Variants in TMPRSS15 observed in about 807,000 individuals in gnomAD.
TMPRSS15 encodes the protein enteropeptidase.
Under a neutral mutation model 125.3 loss-of-function variants are expected in TMPRSS15, and 128 were observed. That is an observed-to-expected ratio of 1.02 (90% CI 0.89 to 1.18). TMPRSS15 has a LOEUF of 1.18. Ranked by LOEUF, TMPRSS15 falls within the 50% of genes most tolerant of loss-of-function variation. The pLI, the probability that TMPRSS15 is intolerant of heterozygous loss-of-function variation, is 0.00. For synonymous variants in TMPRSS15, 446 were observed against 423.2 expected (o/e 1.05, Z -0.66); for missense variants, 1,283 against 1,212.7 (o/e 1.06, Z -0.86).
At chr21:18,285,774 G>T (rs145193126) in intron 21 of TMPRSS15, among the ~76,000 whole-genome samples, 2 of 152,148 alleles carry the variant, frequency 1.3e-5, no homozygotes, top group Non-Finnish European at 2.9e-5. Context: ...ACAGTTAAAA[G>T]AAAAGAGTTG....
rs552801521 is a variant in TMPRSS15, at chr21:18,363,181, A to G, written c.773+1959T>C. ...ACTAATATAATAATCAACTTTGAGA[A>G]AAAATAGATTATTTGTGTGATTAAT... On this transcript the variant is annotated intron_variant, in intron 7 of 24. Transcript: ENST00000284885. Among the ~76,000 whole-genome samples the G allele has an allele frequency of 2.2e-4, 34 of 152,310 alleles. No homozygotes were observed. The South Asian group carries it at 7.0e-3, about 32-fold the overall frequency.
intron 6 of TMPRSS15, among the ~76,000 whole-genome samples, chr21:18,365,616 C>CTA: frequency 1.1e-4 from 1 of 8,772 alleles, no homozygotes; most frequent in Non-Finnish European, 3.5e-4. Context: ...CCTTCCTTTT[C>CTA]TCTCTTTCTT....
At chr21:18,348,051 A>G (rs2075527545) in intron 10 of TMPRSS15, among the ~76,000 whole-genome samples, 1 of 152,146 alleles carries the variant, frequency 6.6e-6, no homozygotes, top group Non-Finnish European at 1.5e-5. Context: ...TGGGTGTGGT[A>G]GAATGCACCT....
intron 1 of TMPRSS15, among the ~76,000 whole-genome samples, chr21:18,451,634 T>C (rs2123256645): frequency 6.6e-6 from 1 of 152,330 alleles, no homozygotes; most frequent in Admixed American, 6.5e-5. Context: ...TCTACAATTT[T>C]CTGCAATTAC....
intron 16 of TMPRSS15, among the ~76,000 whole-genome samples, chr21:18,316,147 A>G (rs908681485): frequency 5.3e-5 from 8 of 152,182 alleles, no homozygotes; most frequent in Admixed American, 3.9e-4. Context: ...ATAGTTTCCA[A>G]GCTGATGTGT....
chr21:18,465,098 G>A (rs912830736), intron 1 of TMPRSS15, among the ~76,000 whole-genome samples: 8 of 152,200 alleles, frequency 5.3e-5, no homozygotes, highest in Non-Finnish European at 1.0e-4. Context: ...ATGCAAGGCT[G>A]GTTCAACATA....
intron 13 of TMPRSS15, among the ~76,000 whole-genome samples, chr21:18,340,267 T>C (rs1361440614): frequency 1.3e-5 from 2 of 152,122 alleles, no homozygotes; most frequent in Non-Finnish European, 2.9e-5. Flanking sequence ...CTGGCTGAAT[T>C]TTCTGGCCTT....
intron 1 of TMPRSS15, among the ~76,000 whole-genome samples, chr21:18,453,098 A>G (rs1978373355): frequency 6.6e-6 from 1 of 152,244 alleles, no homozygotes; most frequent in Non-Finnish European, 1.5e-5. Context: ...GCCACAGTTT[A>G]TAAACAACCC....
At chr21:18,348,673 A>G (rs553404584) in intron 10 of TMPRSS15, among the ~76,000 whole-genome samples, 6 of 152,334 alleles carry the variant, frequency 3.9e-5, no homozygotes, top group African/African-American at 1.4e-4. Flanking sequence ...CACTTATTTT[A>G]GAAAAAGTTT....
At position 18,416,245 on chromosome 21, in the gene TMPRSS15, A is replaced by G. The variant is rs145815773; in HGVS notation, c.11-17916T>C. Among the ~76,000 whole-genome samples the G allele has an allele frequency of 2.8e-3, 429 of 152,158 alleles. 1 individual carries two copies. The highest frequency in any genetic ancestry group is 9.6e-3 in the African/African-American group (397 of 41,562). On this transcript the variant is annotated intron_variant, in intron 1 of 7. Transcript: ENST00000422787. ...CAAATTGATCTACAGGTGAAATGCT[A>G]TATTCATCAAAATCCTAATGGTGTT...
At chr21:18,352,867 A>T (rs773260412) in intron 10 of TMPRSS15, 36 bp downstream of exon 10, 21 of 1,604,342 alleles carry the variant, frequency 1.3e-5, no homozygotes, top group Non-Finnish European at 1.7e-5. Flanking sequence ...TTTATGAATT[A>T]AAATCCTTTT....
chr21:18,356,320 T>G (rs182328551), intron 8 of TMPRSS15, among the ~76,000 whole-genome samples: 80 of 151,906 alleles, frequency 5.3e-4, no homozygotes, highest in Non-Finnish European at 9.1e-4. Flanking sequence ...ATCCAATTTA[T>G]AAGAGTGAAA....
chr21:18,440,225 T>C (rs543421403), intron 1 of TMPRSS15, among the ~76,000 whole-genome samples: 5 of 150,746 alleles, frequency 3.3e-5, no homozygotes, highest in Non-Finnish European at 7.4e-5. Flanking sequence ...ATACAAAAAT[T>C]AGCCGGGCAT....
chr21:18,375,832 C>A lies in TMPRSS15; in HGVS notation c.532+3451G>T, dbSNP rs73893086. Among the ~76,000 whole-genome samples, 1,318 of 152,248 alleles carry A rather than the reference C, an allele frequency of 8.7e-3. 17 individuals are homozygous for A. The highest frequency in any genetic ancestry group is 0.031 in the African/African-American group (1,278 of 41,542). On this transcript the variant is annotated intron_variant, in intron 5 of 24. Coordinates refer to ENST00000284885, the MANE Select transcript of TMPRSS15 (RefSeq NM_002772.3). ...ATTTCCAGTGATTTGACATTAGGAA[C>A]CTCCTGTGCCTACGGAGAGCAGGCT... is the stretch of plus-strand genomic sequence containing the variant.
intron 13 of TMPRSS15, 141 bp from the exon 14 acceptor site, chr21:18,332,314 T>C: frequency 1.4e-6 from 1 of 733,962 alleles, no homozygotes; most frequent in Non-Finnish European, 2.4e-6. Context: ...TTAGGGTAAA[T>C]GCTGCAGTTT....
At chr21:18,463,674 T>C (rs1978597699) in intron 1 of TMPRSS15, among the ~76,000 whole-genome samples, 1 of 152,052 alleles carries the variant, frequency 6.6e-6, no homozygotes, top group Non-Finnish European at 1.5e-5. Flanking sequence ...TCACACTTAT[T>C]CTAAAATCAA....
intron 1 of TMPRSS15, among the ~76,000 whole-genome samples, chr21:18,454,886 C>T (rs1978410463): frequency 6.6e-6 from 1 of 152,076 alleles, no homozygotes; most frequent in Non-Finnish European, 1.5e-5. Flanking sequence ...TGTTCCTTAG[C>T]CAAGTCAAGT....
chr21:18,343,091 G>A (rs1015924411), intron 12 of TMPRSS15, among the ~76,000 whole-genome samples: 2 of 152,128 alleles, frequency 1.3e-5, no homozygotes, highest in African/African-American at 4.8e-5. Context: ...TCAGAGTGGG[G>A]CAGGGTGGGT....
At chr21:18,391,148 C>G (rs547682496) in intron 3 of TMPRSS15, among the ~76,000 whole-genome samples, 24 of 152,160 alleles carry the variant, frequency 1.6e-4, no homozygotes, top group Non-Finnish European at 5.9e-5. Context: ...CCATATCATT[C>G]TGCTTCAGGC....
Sources: allele counts gnomAD v4.1 joint callset (sites outside exome capture counted in the v4.1 genomes callset), GRCh38; gene constraint gnomAD v4.1.1; transcripts MANE v1.5; gene names NCBI Gene and HGNC (gene_info 2026-07-23, HGNC 2026-07-21).